The following COL25A1 variants were observed in gnomAD, a reference collection of about 807,000 sequenced individuals.
The protein encoded by COL25A1 is collagen alpha-1(XXV) chain.
COL25A1 carries 103 observed loss-of-function variants against 128.4 expected under a neutral mutation model. That is an observed-to-expected ratio of 0.80 (90% CI 0.68 to 0.94). The LOEUF (loss-of-function observed/expected upper bound fraction) is 0.94. Among genes scored for constraint, COL25A1 ranks in the 40% least tolerant of loss-of-function variants. The probability of loss-of-function intolerance (pLI) is 0.00; values close to 1 mark genes in which losing one functional copy is unlikely to be tolerated. For synonymous variants in COL25A1, 279 were observed against 277.2 expected (o/e 1.01, Z -0.06); for missense variants, 745 against 840.0 (o/e 0.89, Z 1.40).
Position 109,080,278 on chromosome 4 carries a change from G to A in COL25A1, c.368-30099C>T, listed in dbSNP as rs1763727105. On this transcript the variant is annotated intron_variant, in intron 3 of 37. Coordinates refer to ENST00000399132, the MANE Select transcript of COL25A1 (RefSeq NM_198721.4). ...ACTAATTATTAAGTAGTAGAGTTAGGAAGTCTGGCTCTAGAGTCTTTGGTC... is the reference window on the plus strand; with the variant it reads ...ACTAATTATTAAGTAGTAGAGTTAGAAAGTCTGGCTCTAGAGTCTTTGGTC... Among the ~76,000 whole-genome samples, 3 of 152,102 alleles carry A rather than the reference G, an allele frequency of 2.0e-5. No individual in the cohort carries two copies. In the South Asian group the frequency reaches 6.2e-4, roughly 32 times the overall value.
rs10630143 is a variant in COL25A1 at position 108,882,259 on chromosome 4, C to CT, written c.1020+1918dup. 5.8e-3 allele frequency among the ~76,000 whole-genome samples: 832 copies of CT among 143,324 alleles called. 3 individuals carry two copies. Among genetic ancestry groups the CT allele is most frequent in the South Asian group, 0.032 (146 of 4,538 alleles). The allele number at this position is 143,324 out of a possible 152,430, so 94.0% of individuals were successfully genotyped here. ...ATGATAAATAGTATAATCAAAATTG[C>CT]TTTTTTTTTTTTTGCCTTTGGAGGG... On this transcript the variant is annotated intron_variant, in intron 19 of 37. Coordinates refer to ENST00000399132, the MANE Select transcript of COL25A1 (RefSeq NM_198721.4).
At chr4:109,154,582 G>A (rs975063691) in intron 3 of COL25A1, among the ~76,000 whole-genome samples, 8 of 152,190 alleles carry the variant, frequency 5.3e-5, no homozygotes, top group Non-Finnish European at 8.8e-5. Flanking sequence ...GATGTTGGCA[G>A]GACAGTTGTT....
intron 3 of COL25A1, among the ~76,000 whole-genome samples, chr4:109,142,081 T>G (rs1207607567): frequency 2.0e-5 from 3 of 152,218 alleles, no homozygotes; most frequent in Non-Finnish European, 4.4e-5. Context: ...TCAGTTTCCC[T>G]CTAAACACTG....
chr4:109,117,232 A>G (rs1009643747), intron 3 of COL25A1, among the ~76,000 whole-genome samples: 46 of 151,982 alleles, frequency 3.0e-4, no homozygotes, highest in African/African-American at 1.1e-3. Flanking sequence ...AATATAAACA[A>G]AAATCTTGAA....
At chr4:108,846,336 A>T in intron 27 of COL25A1, 117 bp from the exon 28 acceptor site, 1 of 708,608 alleles carries the variant, frequency 1.4e-6, no homozygotes, top group Non-Finnish European at 2.6e-6. Context: ...TGTTGAGATG[A>T]TTCTGATTTT....
intron 3 of COL25A1, among the ~76,000 whole-genome samples, chr4:109,191,608 T>C (rs904067578): frequency 6.6e-6 from 1 of 152,242 alleles, no homozygotes; most frequent in Non-Finnish European, 1.5e-5. Flanking sequence ...TTTAGGTTAA[T>C]AGACCCAATA....
chr4:108,965,925 T>A (rs1210136428), intron 8 of COL25A1, among the ~76,000 whole-genome samples: 1 of 152,226 alleles, frequency 6.6e-6, no homozygotes, highest in Non-Finnish European at 1.5e-5. Flanking sequence ...TTCATCCATC[T>A]GGTTATCCTG....
intron 5 of COL25A1, among the ~76,000 whole-genome samples, chr4:109,042,957 T>C (rs1216933177): frequency 6.6e-6 from 1 of 152,066 alleles, no homozygotes; most frequent in Non-Finnish European, 1.5e-5. Context: ...ACAAAGATGT[T>C]TACAAAGAGG....
intron 14 of COL25A1, among the ~76,000 whole-genome samples, chr4:108,900,518 A>T (rs1397171946): frequency 3.9e-5 from 6 of 152,202 alleles, no homozygotes. Context: ...CTTGATTTAA[A>T]CTAAATTGTC....
At chr4:108,840,230 GA>G (rs1327127450) in intron 31 of COL25A1, among the ~76,000 whole-genome samples, 1 of 103,880 alleles carries the variant, frequency 9.6e-6, no homozygotes, top group Admixed American at 1.4e-4. Context: ...AAACAAGAGC[GA>G]AACGCCATCT....
At chr4:109,189,737 T>G (rs756008643) in intron 3 of COL25A1, among the ~76,000 whole-genome samples, 1 of 152,132 alleles carries the variant, frequency 6.6e-6, no homozygotes, top group Non-Finnish European at 1.5e-5. Context: ...TTTAAAAATT[T>G]TACTAATTAG....
intron 3 of COL25A1, among the ~76,000 whole-genome samples, chr4:109,197,992 T>C (rs1198234523): frequency 1.3e-5 from 2 of 152,148 alleles, no homozygotes; most frequent in African/African-American, 4.8e-5. Flanking sequence ...AAAACATATA[T>C]CAAACAAGCT....
chr4:109,062,544 C>A (rs1243484322), intron 3 of COL25A1, among the ~76,000 whole-genome samples: 1 of 151,982 alleles, frequency 6.6e-6, no homozygotes. Flanking sequence ...TTGAATAAGA[C>A]AGTTGTATAA....
At chr4:108,848,047 C>T (rs748341391) in intron 27 of COL25A1, among the ~76,000 whole-genome samples, 1 of 152,076 alleles carries the variant, frequency 6.6e-6, no homozygotes, top group South Asian at 2.1e-4. Flanking sequence ...TCTTTTAGAG[C>T]AGGGGTCGCC....
intron 3 of COL25A1, among the ~76,000 whole-genome samples, chr4:109,293,424 T>C (rs1724661059): frequency 6.6e-6 from 1 of 152,006 alleles, no homozygotes; most frequent in Non-Finnish European, 1.5e-5. Context: ...CTTTACCCCT[T>C]CCCTGACCAG....
At chr4:108,842,247 T>A (rs1734534598) in intron 30 of COL25A1, among the ~76,000 whole-genome samples, 2 of 152,210 alleles carry the variant, frequency 1.3e-5, no homozygotes, top group Admixed American at 6.5e-5. Context: ...TAGCATCATT[T>A]ATTTAAGATT....
chr4:108,824,071 G>A, intron 35 of COL25A1, 103 bp downstream of exon 35: 1 of 1,613,462 alleles, frequency 6.2e-7, no homozygotes, highest in Non-Finnish European at 8.5e-7. Context: ...TGGAGCACAG[G>A]ATGGAGAAAG....
intron 3 of COL25A1, among the ~76,000 whole-genome samples, chr4:109,269,617 T>C (rs901484053): frequency 3.3e-5 from 5 of 151,356 alleles, no homozygotes; most frequent in South Asian, 2.1e-4. Context: ...TTTTTAATGA[T>C]TGCCATTCTA....
In COL25A1 at chr4:109,174,021, T is replaced by A. The variant is rs925608934; in HGVS notation, c.368-123842A>T. Among the ~76,000 whole-genome samples the A allele has an allele frequency of 2.6e-5, 4 of 152,172 alleles. No homozygotes were observed. The East Asian group carries it at 7.7e-4, about 29-fold the overall frequency. On this transcript the variant is annotated intron_variant, in intron 3 of 37. Transcript: ENST00000399132. The stretch of plus-strand genomic sequence containing the variant: ...TTAGATTTGGGATGCTCAATCTATA[T>A]GTCTATATTTTTTAATTGTATGAGT...
Sources: gnomAD v4.1 joint callset for allele counts (sites outside exome capture counted in the v4.1 genomes callset) on GRCh38, gnomAD v4.1.1 for gene constraint, MANE v1.5 for transcripts, NCBI Gene and HGNC (gene_info 2026-07-23, HGNC 2026-07-21) for gene names.